The following TCF7L2 variants were observed in gnomAD, a reference collection of about 807,000 sequenced individuals.
TCF7L2 encodes transcription factor 7-like 2.
Under a neutral mutation model 77.9 loss-of-function variants are expected in TCF7L2, and 23 were observed. The ratio of observed to expected loss-of-function variants is 0.30; its 90% CI spans 0.21 to 0.42. The LOEUF is 0.42. Among genes scored for constraint, TCF7L2 ranks in the 10% least tolerant of loss-of-function variants. The pLI is 1.00. For missense variants in TCF7L2, 654 were observed against 793.1 expected (o/e 0.82, Z 2.11); for synonymous variants, 413 against 340.2 (o/e 1.21, Z -2.36).
At chr10:113,159,849 T>TCTCTG in intron 12 of TCF7L2, 71 bp from the exon 14 acceptor site, 1 of 160,990 alleles carries the variant, frequency 6.2e-6, no homozygotes, top group Non-Finnish European at 1.1e-5. Context: ...CCCCCCCTCT[T>TCTCTG]TCTCTCTCTC....
chr10:113,014,789 AAAAC>A (rs752149749), intron 4 of TCF7L2, among the ~76,000 whole-genome samples: 14 of 152,266 alleles, frequency 9.2e-5, no homozygotes, highest in East Asian at 7.7e-4. Flanking sequence ...TCATCTCACA[AAAAC>A]AAACAAACAA....
chr10:113,065,764 C>G (rs1404786020), intron 5 of TCF7L2, among the ~76,000 whole-genome samples: 1 of 152,096 alleles, frequency 6.6e-6, no homozygotes, highest in East Asian at 1.9e-4. Context: ...ATAATAACTA[C>G]CTCCCTCATA....
chr10:113,149,585 G>A (rs1009111252), intron 8 of TCF7L2, among the ~76,000 whole-genome samples: 3 of 152,184 alleles, frequency 2.0e-5, no homozygotes, highest in African/African-American at 7.2e-5. Flanking sequence ...TATTTTGGCT[G>A]AATGGAAACT....
chr10:112,964,786 G>GGT (rs1160955053), intron 4 of TCF7L2, among the ~76,000 whole-genome samples, 162 bp downstream of exon 4: 1 of 144,416 alleles, frequency 6.9e-6, no homozygotes, highest in Non-Finnish European at 1.5e-5. Context: ...TGATGGTGGT[G>GGT]GTGGTGATGG....
chr10:113,161,667 TC>T lies in TCF7L2; in HGVS notation c.1391+980del, dbSNP rs942067766. 3 of 1,513,136 alleles carry T rather than the reference TC, an allele frequency of 2.0e-6. No individual in the cohort carries two copies. The African/African-American group carries it at 4.1e-5, about 21-fold the overall frequency. 93.7% of individuals were successfully genotyped at this position (1,513,136 alleles called of 1,614,324 possible). A position where few individuals can be genotyped will look rare whatever the true frequency, so the allele number is the denominator to read the frequency against. ...TAGTGCCTCCCTCGTCACGTGTCCC[TC>T]CCCTTCATGACTTTGCCATGTGCTC... On this transcript the variant is annotated intron_variant, in intron 13 of 13. Coordinates refer to ENST00000627217, the MANE Select transcript of TCF7L2 (RefSeq NM_001146274.2).
At chr10:113,078,991 C>T (rs2059027494) in intron 5 of TCF7L2, among the ~76,000 whole-genome samples, 1 of 151,998 alleles carries the variant, frequency 6.6e-6, no homozygotes, top group African/African-American at 2.4e-5. Context: ...TGCCACAATG[C>T]CTGGCTAATT....
rs2059168406 is a variant in TCF7L2, at chr10:113,080,078, A to G, written c.552+39952A>G. ...CACCACAGACACACCACACACACAC[A>G]GCCCACATACACAGCCCACATACAT... On this transcript the variant is annotated intron_variant, in intron 5 of 13. Coordinates refer to ENST00000627217, the MANE Select transcript of TCF7L2 (RefSeq NM_001146274.2). Among the ~76,000 whole-genome samples the G allele has an allele frequency of 2.0e-5, 3 of 151,916 alleles. No homozygotes were observed. In the South Asian group the frequency reaches 6.2e-4, roughly 32 times the overall value.
intron 5 of TCF7L2, among the ~76,000 whole-genome samples, chr10:113,080,233 CCA>C (rs1305463639): frequency 6.6e-6 from 1 of 151,742 alleles, no homozygotes; most frequent in Non-Finnish European, 1.5e-5. Flanking sequence ...ATAATTCATC[CCA>C]GACTCCACAC....
chr10:113,055,519 C>A (rs2055230213), intron 5 of TCF7L2, among the ~76,000 whole-genome samples: 1 of 152,166 alleles, frequency 6.6e-6, no homozygotes, highest in Non-Finnish European at 1.5e-5. Context: ...GTTGGAAATA[C>A]TTTTTCTAGG....
chr10:113,093,535 C>T (rs2060617216), intron 5 of TCF7L2, among the ~76,000 whole-genome samples: 1 of 152,194 alleles, frequency 6.6e-6, no homozygotes, highest in Non-Finnish European at 1.5e-5. Flanking sequence ...TCTGTTCCAT[C>T]TACATTTCAA....
intron 5 of TCF7L2, among the ~76,000 whole-genome samples, chr10:113,088,261 A>G (rs1438298293): frequency 6.6e-6 from 1 of 152,118 alleles, no homozygotes; most frequent in African/African-American, 2.4e-5. Context: ...AGAGCCATAG[A>G]CAGGCCAATG....
At chr10:113,084,581 C>T (rs963711063) in intron 5 of TCF7L2, among the ~76,000 whole-genome samples, 21 of 152,110 alleles carry the variant, frequency 1.4e-4, no homozygotes, top group African/African-American at 1.2e-4. Context: ...TATCCGGGCA[C>T]CTTGTGACTT....
chr10:113,159,786 T>G, intron 12 of TCF7L2, 134 bp from the exon 14 acceptor site: 1 of 662,094 alleles, frequency 1.5e-6, no homozygotes, highest in East Asian at 2.8e-5. Context: ...CATTGATTTA[T>G]TCCCTTTTTT....
intron 4 of TCF7L2, among the ~76,000 whole-genome samples, chr10:112,992,849 C>T (rs150873892): frequency 1.1e-4 from 17 of 152,068 alleles, no homozygotes; most frequent in African/African-American, 2.7e-4. Context: ...CTGCAACCTC[C>T]GCCCTCCGAG....
At chr10:113,032,588 C>G (rs2050432273) in intron 4 of TCF7L2, among the ~76,000 whole-genome samples, 1 of 152,164 alleles carries the variant, frequency 6.6e-6, no homozygotes, top group Admixed American at 6.5e-5. Context: ...TGGTTGAGTT[C>G]AGGCAAGGAT....
chr10:112,971,434 G>C (rs1040120962), intron 4 of TCF7L2, among the ~76,000 whole-genome samples: 2 of 152,000 alleles, frequency 1.3e-5, no homozygotes, highest in African/African-American at 4.8e-5. Context: ...TCAGCCTTTT[G>C]AGTAGCTGGG....
At chr10:113,155,086 T>G (rs2071586371) in intron 11 of TCF7L2, among the ~76,000 whole-genome samples, 1 of 152,144 alleles carries the variant, frequency 6.6e-6, no homozygotes. Context: ...TCCTGAGATC[T>G]TCTCATGGCT....
At chr10:113,140,124 A>G (rs1180360432) in intron 5 of TCF7L2, among the ~76,000 whole-genome samples, 4 of 152,120 alleles carry the variant, frequency 2.6e-5, no homozygotes, top group African/African-American at 9.7e-5. Context: ...TCTATGGGGA[A>G]TAGGGTTTTT....
chr10:113,035,017 TTTTCTCTC>T (rs1482752355), intron 4 of TCF7L2, among the ~76,000 whole-genome samples: 9 of 151,990 alleles, frequency 5.9e-5, no homozygotes, highest in South Asian at 2.1e-4. Flanking sequence ...CCTTCCTTTC[TTTTCTCTC>T]TTTCTCTCTT....
Sources: allele counts gnomAD v4.1 joint callset (sites outside exome capture counted in the v4.1 genomes callset), GRCh38; gene constraint gnomAD v4.1.1; transcripts MANE v1.5; gene names NCBI Gene and HGNC (gene_info 2026-07-23, HGNC 2026-07-21).